The following PDZD2 variants were observed in gnomAD, a reference collection of about 807,000 sequenced individuals.
The protein encoded by PDZD2 is PDZ domain containing 2.
Under a neutral mutation model 220.7 loss-of-function variants are expected in PDZD2, and 90 were observed. The ratio of observed to expected loss-of-function variants is 0.41; its 90% CI spans 0.34 to 0.49. PDZD2 has a LOEUF of 0.49. PDZD2 is among the 20% of genes least tolerant of loss of function. The probability of loss-of-function intolerance (pLI) is 0.28; values close to 1 mark genes in which losing one functional copy is unlikely to be tolerated. For synonymous variants in PDZD2, 1,375 were observed against 1,450.5 expected (o/e 0.95, Z 1.18); for missense variants, 3,174 against 3,608.5 (o/e 0.88, Z 3.08).
intron 6 of PDZD2, among the ~76,000 whole-genome samples, chr5:32,015,338 C>T (rs1050166893): frequency 6.6e-6 from 1 of 152,082 alleles, no homozygotes; most frequent in Non-Finnish European, 1.5e-5. Context: ...CCTCAAACTC[C>T]TGGGCTCAAG....
At chr5:31,998,483 G>T (rs1751822877) in intron 4 of PDZD2, among the ~76,000 whole-genome samples, 1 of 152,198 alleles carries the variant, frequency 6.6e-6, no homozygotes, top group South Asian at 2.1e-4. Context: ...GAAAGGGGAG[G>T]GAAGGATGGA....
rs1490658314 is a variant in PDZD2 at position 31,799,004 on chromosome 5, C to A, written c.-245C>A. 11 of 509,170 alleles carry A rather than the reference C, an allele frequency of 2.2e-5. No individual in the cohort carries two copies. The highest frequency in any genetic ancestry group is 3.8e-5 in the Non-Finnish European group (11 of 287,272). 31.5% of individuals were successfully genotyped at this position (509,170 alleles called of 1,614,324 possible). ...CCTGGCAGGGACTTGTTAGACACTTCCTTCCTTCCCTCATTGAGCACTCCA... is the reference window on the plus strand; with the variant it reads ...CCTGGCAGGGACTTGTTAGACACTTACTTCCTTCCCTCATTGAGCACTCCA... On this transcript the variant is annotated 5_prime_UTR_variant, in exon 2 of 25. Coordinates refer to ENST00000438447, the MANE Select transcript of PDZD2 (RefSeq NM_178140.4).
chr5:31,967,999 C>T (rs1216727701), intron 2 of PDZD2, among the ~76,000 whole-genome samples: 1 of 152,160 alleles, frequency 6.6e-6, no homozygotes, highest in Non-Finnish European at 1.5e-5. Flanking sequence ...TACACAACTG[C>T]TATAGACTGA....
chr5:31,674,579 A>C (rs1487452961), intron 1 of PDZD2, among the ~76,000 whole-genome samples: 3 of 152,332 alleles, frequency 2.0e-5, no homozygotes. Context: ...AGATGAGAGC[A>C]GTCTGGTCTT....
rs551309414 is a variant in PDZD2, at chr5:31,965,971, T to C, written c.477-17184T>C. On this transcript the variant is annotated intron_variant, in intron 2 of 24. Coordinates refer to ENST00000438447, the MANE Select transcript of PDZD2 (RefSeq NM_178140.4). ...TAAAGTGGGGCAAGTCCTCCTTGGG[T>C]TGTTTGAAGCTGCAGCCCTTCTCCT... is the stretch of plus-strand genomic sequence containing the variant. Among the ~76,000 whole-genome samples the C allele has an allele frequency of 5.3e-5, 8 of 152,100 alleles. No homozygotes were observed. In the East Asian group the frequency reaches 1.5e-3, roughly 29 times the overall value.
chr5:31,791,063 G>C (rs1753690034), intron 1 of PDZD2, among the ~76,000 whole-genome samples: 1 of 152,062 alleles, frequency 6.6e-6, no homozygotes, highest in Non-Finnish European at 1.5e-5. Flanking sequence ...CGTGGTTTCT[G>C]CTGGGTAATC....
At chr5:31,664,683 A>G (rs561661985) in intron 1 of PDZD2, among the ~76,000 whole-genome samples, 1 of 152,338 alleles carries the variant, frequency 6.6e-6, no homozygotes, top group South Asian at 2.1e-4. Flanking sequence ...CGAAAACCAC[A>G]AAAGAAAATT....
intron 2 of PDZD2, among the ~76,000 whole-genome samples, chr5:31,850,883 G>A (rs1275851953): frequency 3.3e-5 from 5 of 151,928 alleles, no homozygotes; most frequent in Non-Finnish European, 4.4e-5. Flanking sequence ...TGTTCCACCC[G>A]CCTTGGTCTT....
In PDZD2 at chr5:32,056,088, CTT is replaced by C. The variant is rs1739059072; in HGVS notation, c.1901-1565_1901-1564del. On this transcript the variant is annotated intron_variant, in intron 10 of 24. Transcript: ENST00000438447. ...TGTTGAGTGATACTTCTTTAAAAAACTTTGCATACATTTTAAGAGTGCGAGTA... is the reference window on the plus strand; with the variant it reads ...TGTTGAGTGATACTTCTTTAAAAAACTGCATACATTTTAAGAGTGCGAGTA... 2.0e-5 allele frequency among the ~76,000 whole-genome samples: 3 copies of C among 152,214 alleles called. No individual in the cohort carries two copies. The East Asian group carries it at 5.8e-4, about 29-fold the overall frequency.
chr5:31,827,588 G>T (rs577233996), intron 2 of PDZD2, among the ~76,000 whole-genome samples: 8 of 151,890 alleles, frequency 5.3e-5, no homozygotes, highest in Admixed American at 3.9e-4. Context: ...AGCTACTCAG[G>T]AGGCTGAGGC....
At chr5:32,031,103 TC>T (rs761415415) in intron 6 of PDZD2, among the ~76,000 whole-genome samples, 1 of 152,184 alleles carries the variant, frequency 6.6e-6, no homozygotes, top group Non-Finnish European at 1.5e-5. Flanking sequence ...TCCACTCTCT[TC>T]CCTGTGGTTT....
intron 2 of PDZD2, among the ~76,000 whole-genome samples, chr5:31,957,847 G>A (rs1384762141): frequency 6.6e-6 from 1 of 152,150 alleles, no homozygotes; most frequent in Non-Finnish European, 1.5e-5. Flanking sequence ...GCAATCTCTT[G>A]TTGTTCTGTC....
At chr5:31,799,756 G>T (rs776772405) in intron 2 of PDZD2, 32 bp downstream of exon 2, 6 of 1,444,250 alleles carry the variant, frequency 4.2e-6, no homozygotes, top group South Asian at 1.1e-5. Flanking sequence ...TGGCACAGGG[G>T]CTGGACACGG....
intron 1 of PDZD2, among the ~76,000 whole-genome samples, chr5:31,699,373 C>T (rs1471317863): frequency 6.6e-6 from 1 of 151,978 alleles, no homozygotes; most frequent in East Asian, 1.9e-4. Flanking sequence ...CAGGAAAGTA[C>T]CTGTGGTTCA....
chr5:31,933,449 G>T (rs1264535136), intron 2 of PDZD2, among the ~76,000 whole-genome samples: 3 of 152,100 alleles, frequency 2.0e-5, no homozygotes, highest in Non-Finnish European at 4.4e-5. Context: ...GTTTATACCT[G>T]GGGTGTCCCT....
Position 32,061,195 on chromosome 5 carries a change from T to A in PDZD2, c.2451+61T>A. On this transcript the variant is annotated intron_variant, in intron 14 of 24. Coordinates refer to ENST00000438447, the MANE Select transcript of PDZD2 (RefSeq NM_178140.4). ...TGATACACCTTCCTAGGATATCGTA[T>A]ACTCTTTGGTGAGATGGTTTTCCCA... 3 of 1,549,576 alleles carry A rather than the reference T, an allele frequency of 1.9e-6. 1 individual carries two copies. The South Asian group carries it at 3.4e-5, about 17-fold the overall frequency.
At chr5:31,850,634 C>CTTTT (rs1202109766) in intron 2 of PDZD2, among the ~76,000 whole-genome samples, 10 of 118,324 alleles carry the variant, frequency 8.5e-5, no homozygotes, top group African/African-American at 1.3e-4. Context: ...TACCCAAATT[C>CTTTT]TTTTTTTTTT....
Position 32,108,268 on chromosome 5 carries a change from A to T in PDZD2, c.*133A>T. The T allele has an allele frequency of 1.7e-6, 1 of 577,896 alleles. No individual in the cohort carries two copies. Among genetic ancestry groups the T allele is most frequent in the East Asian group, 2.9e-5 (1 of 34,102 alleles). 35.8% of individuals were successfully genotyped at this position (577,896 alleles called of 1,614,324 possible). ...TATAAAAATCTCCAAGCTTGTGCTT[A>T]CACATGAAGCCTGACTTAACTGTAT... On this transcript the variant is annotated 3_prime_UTR_variant, in exon 25 of 25. Transcript: ENST00000438447.
chr5:32,066,989 T>G (rs2112368416), intron 14 of PDZD2, among the ~76,000 whole-genome samples: 1 of 152,358 alleles, frequency 6.6e-6, no homozygotes. Flanking sequence ...GTAAACGTGG[T>G]GTTCTTAGTT....
Sources: allele counts gnomAD v4.1 joint callset (sites outside exome capture counted in the v4.1 genomes callset), GRCh38; gene constraint gnomAD v4.1.1; transcripts MANE v1.5; gene names NCBI Gene and HGNC (gene_info 2026-07-23, HGNC 2026-07-21).